COL14A1: variants seen among roughly 807,000 people sequenced by gnomAD.
COL14A1 encodes collagen type XIV alpha 1 chain.
A neutral mutation model predicts 230.3 loss-of-function variants in COL14A1; 136 were observed. The ratio of observed to expected loss-of-function variants is 0.59; its 90% CI spans 0.51 to 0.68. The LOEUF is 0.68. Ranked by LOEUF, COL14A1 falls within the 30% of genes least tolerant of loss-of-function variation. The pLI is 0.00. For synonymous variants in COL14A1, 792 were observed against 784.1 expected (o/e 1.01, Z -0.17); for missense variants, 1,976 against 2,215.8 (o/e 0.89, Z 2.17).
At position 120,212,446 on chromosome 8, in the gene COL14A1, A is replaced by G; in HGVS notation, c.1468-2A>G. ...TGATCTAACAACATGTGTTCTTTTC[A>G]GATGAAAATTGGAGAGACCCACACA... On this transcript the variant is annotated splice_acceptor_variant, in intron 12 of 47. Coordinates refer to ENST00000297848, the MANE Select transcript of COL14A1 (RefSeq NM_021110.4). LOFTEE classifies it high-confidence loss of function. The G allele has an allele frequency of 6.2e-7, 1 of 1,612,950 alleles. No homozygotes were observed. The highest frequency in any genetic ancestry group is 8.5e-7 in the Non-Finnish European group (1 of 1,179,220).
intron 5 of COL14A1, among the ~76,000 whole-genome samples, chr8:120,172,215 A>G (rs1240995487): frequency 6.6e-6 from 1 of 152,070 alleles, no homozygotes; most frequent in African/African-American, 2.4e-5. Context: ...CAGTAGTGCA[A>G]TCTTGGCTCA....
intron 10 of COL14A1, among the ~76,000 whole-genome samples, chr8:120,207,458 T>G (rs923540417): frequency 7.2e-5 from 11 of 152,208 alleles, no homozygotes; most frequent in African/African-American, 2.7e-4. Context: ...GCTTTCTGCC[T>G]TAGTTAAGTC....
At chr8:120,218,839 C>G (rs1817844912) in intron 14 of COL14A1, among the ~76,000 whole-genome samples, 1 of 152,096 alleles carries the variant, frequency 6.6e-6, no homozygotes, top group Non-Finnish European at 1.5e-5. Context: ...GCTGCCAGAT[C>G]TTAAGATTCC....
chr8:120,210,004 A>G (rs1586768742), intron 12 of COL14A1, 103 bp downstream of exon 12: 1 of 986,484 alleles, frequency 1.0e-6, no homozygotes. Context: ...GAAATTTCAG[A>G]TTAGCCAAAA....
rs1002151455 is a variant in COL14A1 at position 120,231,460 on chromosome 8, A to C, written c.2198-7A>C. Reference sequence around the variant, plus strand: ...AGTTTTTTAATCCTTGGTTGTGTTTATTCCAGTTTTCCAGACGGGAATCAG... The same window carrying C: ...AGTTTTTTAATCCTTGGTTGTGTTTCTTCCAGTTTTCCAGACGGGAATCAG... On this transcript the variant is annotated splice_region_variant and splice_polypyrimidine_tract_variant and intron_variant, in intron 18 of 47. Coordinates refer to ENST00000297848, the MANE Select transcript of COL14A1 (RefSeq NM_021110.4). 6 of 1,612,666 alleles carry C rather than the reference A, an allele frequency of 3.7e-6. No individual in the cohort carries two copies. Among genetic ancestry groups the C allele is most frequent in the Non-Finnish European group, 5.1e-6 (6 of 1,179,574 alleles).
intron 19 of COL14A1, among the ~76,000 whole-genome samples, chr8:120,242,958 A>T (rs901987964): frequency 6.6e-6 from 1 of 152,172 alleles, no homozygotes; most frequent in South Asian, 2.1e-4. Context: ...TGAATCGAAA[A>T]GTAACTCCAG....
At position 120,342,395 on chromosome 8, in the gene COL14A1, C is replaced by G. The variant is rs140154122; in HGVS notation, c.4837C>G (p.Gln1613Glu). ...TCTCATCCAGGGTGACCTGCAGTCT[C>G]AAGCCATGGTGAGATCAGTGGCGCG... is the stretch of plus-strand genomic sequence containing the variant. ...ERGERGDLQS[Q>E]AMVRSVARQV... Residue 1613 changes from glutamine to glutamate, a missense_variant, in exon 44 of 48, where the codon CAA (glutamine) becomes GAA (glutamate). Physicochemically the swap from Gln to Glu is conservative, Grantham distance 29. Coordinates refer to ENST00000297848, the MANE Select transcript of COL14A1 (RefSeq NM_021110.4). The G allele has an allele frequency of 2.1e-3, 3,441 of 1,613,966 alleles. 8 individuals are homozygous for G. The highest frequency in any genetic ancestry group is 2.6e-3 in the Non-Finnish European group (3,054 of 1,179,878).
At chr8:120,321,859 G>T (rs1285090165) in intron 40 of COL14A1, among the ~76,000 whole-genome samples, 3 of 152,032 alleles carry the variant, frequency 2.0e-5, no homozygotes, top group African/African-American at 7.2e-5. Flanking sequence ...CAGAGATTCG[G>T]ATACAAAAGG....
At chr8:120,199,635 T>C in intron 8 of COL14A1, 69 bp downstream of exon 8, 1 of 1,483,428 alleles carries the variant, frequency 6.7e-7, no homozygotes, top group Non-Finnish European at 9.1e-7. Context: ...CAATATGTAA[T>C]GTGAAATGCA....
chr8:120,157,212 T>C (rs1475071981), intron 2 of COL14A1, among the ~76,000 whole-genome samples: 1 of 152,194 alleles, frequency 6.6e-6, no homozygotes, highest in African/African-American at 2.4e-5. Flanking sequence ...CCATGTGCTT[T>C]GTATCTTTCT....
At chr8:120,209,723 G>A (rs1362488950) in intron 11 of COL14A1, 33 bp from the exon 12 acceptor site, 1 of 1,586,858 alleles carries the variant, frequency 6.3e-7, no homozygotes, top group East Asian at 2.3e-5. Flanking sequence ...ACATATATAA[G>A]TGGCTCAACA....
intron 40 of COL14A1, among the ~76,000 whole-genome samples, chr8:120,329,151 A>C (rs1384782077): frequency 6.6e-6 from 1 of 152,232 alleles, no homozygotes; most frequent in African/African-American, 2.4e-5. Context: ...CTTATTTTAA[A>C]AAATGAGTTA....
chr8:120,347,963 G>T (rs1822580537), intron 45 of COL14A1, among the ~76,000 whole-genome samples: 1 of 152,018 alleles, frequency 6.6e-6, no homozygotes, highest in South Asian at 2.1e-4. Flanking sequence ...CTGAAATGAG[G>T]CTCACTTTCT....
intron 43 of COL14A1, 142 bp from the exon 44 acceptor site, chr8:120,342,238 C>T (rs1387766512): frequency 1.9e-5 from 13 of 702,272 alleles, no homozygotes; most frequent in Admixed American, 4.4e-5. Context: ...CTGCATGCAC[C>T]GTGGTGGTCA....
At chr8:120,260,042 T>G (rs1349308640) in intron 23 of COL14A1, among the ~76,000 whole-genome samples, 1 of 152,198 alleles carries the variant, frequency 6.6e-6, no homozygotes, top group East Asian at 1.9e-4. Context: ...TTTTAAATGT[T>G]ATCATTTTTC....
At chr8:120,177,443 G>C (rs1282084968) in intron 5 of COL14A1, among the ~76,000 whole-genome samples, 1 of 151,982 alleles carries the variant, frequency 6.6e-6, no homozygotes, top group Non-Finnish European at 1.5e-5. Flanking sequence ...GAGGCCACGA[G>C]TTCAAGACCA....
intron 44 of COL14A1, 82 bp downstream of exon 44, chr8:120,342,528 A>G: frequency 7.8e-7 from 1 of 1,281,990 alleles, no homozygotes; most frequent in Non-Finnish European, 1.1e-6. Context: ...TGAGCGTACC[A>G]CTAAGGAAAA....
intron 45 of COL14A1, among the ~76,000 whole-genome samples, chr8:120,358,906 G>T (rs770512242): frequency 8.5e-5 from 13 of 152,118 alleles, no homozygotes; most frequent in Non-Finnish European, 1.8e-4. Context: ...AACATGCAGA[G>T]AAAAGATATA....
intron 26 of COL14A1, among the ~76,000 whole-genome samples, chr8:120,271,952 C>T (rs1193424916): frequency 1.3e-5 from 2 of 151,452 alleles, no homozygotes; most frequent in Non-Finnish European, 3.0e-5. Flanking sequence ...GGAAGATGCT[C>T]TCATGGTCCA....
Sources: gnomAD v4.1 joint callset for allele counts (sites outside exome capture counted in the v4.1 genomes callset) on GRCh38, gnomAD v4.1.1 for gene constraint, MANE v1.5 for transcripts, NCBI Gene and HGNC (gene_info 2026-07-23, HGNC 2026-07-21) for gene names.